Variants in LINC00632 observed in about 807,000 individuals in gnomAD.
LINC00632 encodes long independently transcribed non-coding RNA 632.
chrX:140,776,270 GCCT>G (rs1931869303), exon 5 of LINC00632, among the ~76,000 whole-genome samples: 1 of 86,784 alleles, frequency 1.2e-5, no homozygotes, highest in Non-Finnish European at 2.6e-5. Flanking sequence ...TGGAAAATTG[GCCT>G]CGGCCAGAAA....
exon 5 of LINC00632, chrX:140,783,747 A>G (rs746458136): frequency 2.3e-4 from 282 of 1,208,771 alleles, no homozygotes; most frequent in Non-Finnish European, 3.1e-4. Context: ...TCCGGAAAAA[A>G]TCCAGGTCTT....
At chrX:140,750,972 G>C (rs1931403058) in intron 3 of LINC00632, among the ~76,000 whole-genome samples, 2 of 111,986 alleles carry the variant, frequency 1.8e-5, no homozygotes, top group African/African-American at 3.2e-5. Context: ...TTATGGCTGA[G>C]TAGTATTCCA....
At chrX:140,791,322 T>C (rs1932104440) in exon 5 of LINC00632, among the ~76,000 whole-genome samples, 1 of 112,314 alleles carries the variant, frequency 8.9e-6, no homozygotes, top group African/African-American at 3.2e-5. Flanking sequence ...TGAGCTATTC[T>C]TAGATTCCTG....
rs1173798485 is a variant in LINC00632 at position 140,769,106 on chromosome X, A to C, written n.192-2972A>C. 2.7e-5 allele frequency among the ~76,000 whole-genome samples: 3 copies of C among 111,231 alleles called. No homozygotes were observed. The East Asian group carries it at 8.5e-4, about 31-fold the overall frequency. ...GGGGAAGGTGCCTTGTAGTGCCCACAAATGCAGGAAGCAAGAATTAGGACA... is the reference window on the plus strand; with the variant it reads ...GGGGAAGGTGCCTTGTAGTGCCCACCAATGCAGGAAGCAAGAATTAGGACA... On this transcript the variant is annotated intron_variant and non_coding_transcript_variant, in intron 3 of 4. Coordinates refer to ENST00000648200, the Ensembl canonical transcript of LINC00632.
chrX:140,762,228 A>AGG (rs1931608059), intron 3 of LINC00632, among the ~76,000 whole-genome samples: 4 of 107,729 alleles, frequency 3.7e-5, no homozygotes, highest in South Asian at 4.3e-4. Flanking sequence ...AGAGAGAGAG[A>AGG]GAGAGAGAGA....
At chrX:140,764,395 A>G (rs937856789) in intron 3 of LINC00632, among the ~76,000 whole-genome samples, 2 of 107,643 alleles carry the variant, frequency 1.9e-5, no homozygotes, top group African/African-American at 3.4e-5. Context: ...TGAGTGGTGT[A>G]ACTGAGGAAG....
intron 2 of LINC00632, among the ~76,000 whole-genome samples, chrX:140,722,459 C>A (rs1930745912): frequency 9.1e-6 from 1 of 110,358 alleles, no homozygotes. Flanking sequence ...ATATTTACCC[C>A]CCAGCACCAG....
chrX:140,783,891 A>G (rs776536639), exon 5 of LINC00632: 1 of 1,209,078 alleles, frequency 8.3e-7, no homozygotes, highest in Non-Finnish European at 1.1e-6. Context: ...TCTTCCGGAT[A>G]ATTTGGGTCT....
chrX:140,742,869 GA>G (rs1569351762), intron 3 of LINC00632, among the ~76,000 whole-genome samples: 70 of 95,895 alleles, frequency 7.3e-4, no homozygotes, highest in African/African-American at 2.8e-3. Flanking sequence ...GAGAGAGAGA[GA>G]GAGAGAGAGG....
intron 3 of LINC00632, among the ~76,000 whole-genome samples, chrX:140,769,828 C>T (rs1291277039): frequency 9.0e-6 from 1 of 111,466 alleles, no homozygotes; most frequent in Non-Finnish European, 1.9e-5. Flanking sequence ...CCTAAAAATT[C>T]TACCCATTCT....
At chrX:140,760,492 C>T (rs530525946) in intron 3 of LINC00632, among the ~76,000 whole-genome samples, 3 of 111,266 alleles carry the variant, frequency 2.7e-5, no homozygotes, top group African/African-American at 6.6e-5. Flanking sequence ...TTGAATAGGC[C>T]GGGCGCGGTG....
intron 3 of LINC00632, among the ~76,000 whole-genome samples, chrX:140,764,950 C>T (rs1379273213): frequency 9.0e-6 from 1 of 111,342 alleles, no homozygotes; most frequent in African/African-American, 3.3e-5. Context: ...TAGGGCAAAA[C>T]GAGCAAGGCA....
At chrX:140,768,561 ATATT>A (rs1290194648) in intron 3 of LINC00632, among the ~76,000 whole-genome samples, 4 of 99,692 alleles carry the variant, frequency 4.0e-5, no homozygotes, top group Non-Finnish European at 5.9e-5. Flanking sequence ...ACTATATTAT[ATATT>A]TATTATATAT....
exon 5 of LINC00632, among the ~76,000 whole-genome samples, chrX:140,789,589 G>A (rs993598302): frequency 1.8e-5 from 2 of 111,982 alleles, no homozygotes; most frequent in East Asian, 2.8e-4. Flanking sequence ...CAACATGTTT[G>A]AGCTAAATTG....
exon 4 of LINC00632, among the ~76,000 whole-genome samples, chrX:140,774,229 A>G (rs1931844249): frequency 8.9e-6 from 1 of 112,410 alleles, no homozygotes; most frequent in South Asian, 3.7e-4. Context: ...AGAATGTTCA[A>G]GTATCTACTC....
At chrX:140,717,490 A>G (rs1914308705) in intron 2 of LINC00632, among the ~76,000 whole-genome samples, 1 of 110,785 alleles carries the variant, frequency 9.0e-6, no homozygotes, top group African/African-American at 3.3e-5. Flanking sequence ...ACAGCGTCAT[A>G]TCACAACAGA....
chrX:140,778,070 A>G (rs1931895034), exon 5 of LINC00632, among the ~76,000 whole-genome samples: 1 of 112,161 alleles, frequency 8.9e-6, no homozygotes, highest in African/African-American at 3.2e-5. Flanking sequence ...TTTTTCTATG[A>G]TAATTGTTTT....
intron 3 of LINC00632, among the ~76,000 whole-genome samples, chrX:140,758,710 C>G (rs1931535889): frequency 9.0e-6 from 1 of 111,484 alleles, no homozygotes; most frequent in Non-Finnish European, 1.9e-5. Flanking sequence ...GTTTTTATCC[C>G]TTTGTTCTAT....
exon 5 of LINC00632, chrX:140,784,169 G>C: frequency 8.3e-7 from 1 of 1,211,161 alleles, no homozygotes; most frequent in Non-Finnish European, 1.1e-6. Context: ...AAAAATCCAG[G>C]TCTTCCAGGA....
Sources: allele counts gnomAD v4.1 joint callset (sites outside exome capture counted in the v4.1 genomes callset), GRCh38; gene constraint gnomAD v4.1.1; transcripts MANE v1.5; gene names NCBI Gene and HGNC (gene_info 2026-07-23, HGNC 2026-07-21).